The following GALNTL6 variants were observed in gnomAD, a reference collection of about 807,000 sequenced individuals.
GALNTL6 encodes the protein polypeptide N-acetylgalactosaminyltransferase-like 6.
In GALNTL6, 46 loss-of-function variants were observed where a neutral mutation model predicts 73.7. The ratio of observed to expected loss-of-function variants is 0.62; its 90% CI spans 0.49 to 0.80. The LOEUF is 0.80. Among genes scored for constraint, GALNTL6 ranks in the 30% least tolerant of loss-of-function variants. The pLI, the probability that GALNTL6 is intolerant of heterozygous loss-of-function variation, is 0.00. For missense variants in GALNTL6, 604 were observed against 755.0 expected (o/e 0.80, Z 2.34); for synonymous variants, 259 against 263.7 (o/e 0.98, Z 0.17).
At chr4:172,155,637 T>C (rs1009558469) in intron 2 of GALNTL6, among the ~76,000 whole-genome samples, 2 of 152,212 alleles carry the variant, frequency 1.3e-5, no homozygotes, top group African/African-American at 4.8e-5. Flanking sequence ...TATTAGTTAC[T>C]ATTTATGGAA....
In GALNTL6 at chr4:173,010,449, T is replaced by A. The variant is rs191228257; in HGVS notation, c.1488+1155T>A. Among the ~76,000 whole-genome samples, 758 of 152,302 alleles carry A rather than the reference T, an allele frequency of 5.0e-3. 12 individuals carry two copies. Among genetic ancestry groups the A allele is most frequent in the African/African-American group, 0.018 (732 of 41,554 alleles). On this transcript the variant is annotated intron_variant, in intron 11 of 12. Transcript: ENST00000506823. ...TTAGGTTGCCTCCAAATTTTGGCCA[T>A]TGTGAACAGTGCTGCATCAAACATG...
At chr4:172,630,254 A>G (rs1485967652) in intron 5 of GALNTL6, among the ~76,000 whole-genome samples, 2 of 152,242 alleles carry the variant, frequency 1.3e-5, no homozygotes, top group Non-Finnish European at 2.9e-5. Flanking sequence ...AGTAAAAAGT[A>G]AAACCTTGAG....
chr4:172,334,070 G>A (rs333394), intron 4 of GALNTL6, among the ~76,000 whole-genome samples: 152,174 of 152,318 alleles, frequency 1, 76,015 homozygotes, highest in Non-Finnish European at 1. Flanking sequence ...ACCAATACCA[G>A]TGCTATTTGG....
intron 5 of GALNTL6, among the ~76,000 whole-genome samples, chr4:172,549,760 A>C (rs1735890778): frequency 6.6e-6 from 1 of 152,224 alleles, no homozygotes; most frequent in African/African-American, 2.4e-5. Flanking sequence ...ATTGGGCTAA[A>C]AAACAAATAG....
At chr4:172,900,381 C>T (rs1260397447) in intron 8 of GALNTL6, among the ~76,000 whole-genome samples, 1 of 152,144 alleles carries the variant, frequency 6.6e-6, no homozygotes, top group Non-Finnish European at 1.5e-5. Context: ...AATTTTCTGA[C>T]ATCCAAATTA....
chr4:172,290,797 A>G (rs1029028613), intron 3 of GALNTL6, among the ~76,000 whole-genome samples: 68 of 151,966 alleles, frequency 4.5e-4, no homozygotes, highest in African/African-American at 1.6e-3. Context: ...AGTGGATGCT[A>G]CATAAAAAAA....
chr4:171,851,567 G>C (rs1042515428), intron 2 of GALNTL6, among the ~76,000 whole-genome samples: 1 of 152,162 alleles, frequency 6.6e-6, no homozygotes, highest in Admixed American at 6.5e-5. Flanking sequence ...AGGTTACTGT[G>C]AGTGAGCTGA....
At chr4:172,815,772 T>A (rs1741569748) in intron 7 of GALNTL6, among the ~76,000 whole-genome samples, 1 of 152,156 alleles carries the variant, frequency 6.6e-6, no homozygotes, top group African/African-American at 2.4e-5. Flanking sequence ...ACGTAGGTGG[T>A]TGTTGAACTG....
chr4:172,618,935 G>A (rs1738847893), intron 5 of GALNTL6, among the ~76,000 whole-genome samples: 1 of 152,070 alleles, frequency 6.6e-6, no homozygotes. Context: ...TGTTGGCCAG[G>A]ATGGTCTGGA....
At chr4:172,647,507 T>C (rs576834252) in intron 5 of GALNTL6, among the ~76,000 whole-genome samples, 1 of 152,164 alleles carries the variant, frequency 6.6e-6, no homozygotes, top group East Asian at 1.9e-4. Flanking sequence ...GGTGGTTTCT[T>C]CTATTCCAGG....
rs5864170 is a variant in GALNTL6 at position 172,809,912 on chromosome 4, TACAC to T, written c.739+402_739+405del. Reference sequence around the variant, plus strand: ...TCCTGTAGCTACAGCAAGATTAAAATACACACACACACACACACACACACACACA... The same window carrying T: ...TCCTGTAGCTACAGCAAGATTAAAATACACACACACACACACACACACACA... On this transcript the variant is annotated intron_variant, in intron 6 of 12. Transcript: ENST00000506823. The surrounding 1 kb of genome is among the most constrained non-coding windows in gnomAD (Gnocchi z 4.4). Among the ~76,000 whole-genome samples the T allele has an allele frequency of 0.031, 4,435 of 141,124 alleles. 94 individuals carry two copies. The highest frequency in any genetic ancestry group is 0.061 in the African/African-American group (2,333 of 38,442). The allele number at this position is 141,124 out of a possible 152,430, so 92.6% of individuals were successfully genotyped here.
At chr4:172,002,293 G>A (rs932618852) in intron 2 of GALNTL6, among the ~76,000 whole-genome samples, 1 of 152,094 alleles carries the variant, frequency 6.6e-6, no homozygotes, top group African/African-American at 2.4e-5. Flanking sequence ...CACAAGGGTG[G>A]AGCCCTTACT....
chr4:172,749,913 C>G (rs571263127), intron 5 of GALNTL6, among the ~76,000 whole-genome samples: 66 of 152,020 alleles, frequency 4.3e-4, no homozygotes, highest in African/African-American at 1.4e-3. Context: ...TGAATAAGGT[C>G]TAGCTTTTTT....
intron 2 of GALNTL6, among the ~76,000 whole-genome samples, chr4:171,953,656 G>T (rs1341430821): frequency 1.3e-5 from 2 of 152,060 alleles, no homozygotes. Flanking sequence ...AATAGAATTT[G>T]CAGCTTTACA....
intron 2 of GALNTL6, among the ~76,000 whole-genome samples, chr4:172,183,716 A>G (rs541135550): frequency 2.6e-5 from 4 of 152,266 alleles, no homozygotes; most frequent in African/African-American, 9.6e-5. Context: ...TGTTGAGAGA[A>G]AATTTTCCAT....
intron 3 of GALNTL6, among the ~76,000 whole-genome samples, chr4:172,236,326 G>A (rs1378003493): frequency 2.0e-5 from 3 of 152,062 alleles, no homozygotes; most frequent in South Asian, 4.1e-4. Flanking sequence ...TTGGAATGCC[G>A]AGGCAGGCGG....
intron 2 of GALNTL6, among the ~76,000 whole-genome samples, chr4:171,833,691 TTG>T (rs1167848448): frequency 6.6e-6 from 1 of 151,910 alleles, no homozygotes; most frequent in African/African-American, 2.4e-5. Flanking sequence ...GATTTCTGTA[TTG>T]TTAAATTAGC....
chr4:172,948,921 CT>C (rs1287065318), intron 9 of GALNTL6, among the ~76,000 whole-genome samples: 1 of 152,144 alleles, frequency 6.6e-6, no homozygotes, highest in Non-Finnish European at 1.5e-5. Flanking sequence ...ACTTCTGCCT[CT>C]TTTACTTATT....
At chr4:172,599,770 A>G (rs1310522054) in intron 5 of GALNTL6, among the ~76,000 whole-genome samples, 1 of 152,122 alleles carries the variant, frequency 6.6e-6, no homozygotes, top group Non-Finnish European at 1.5e-5. Flanking sequence ...GTTTTTTGAC[A>G]TTAAAAGTAA....
Sources: allele counts gnomAD v4.1 joint callset (sites outside exome capture counted in the v4.1 genomes callset), GRCh38; gene constraint gnomAD v4.1.1; non-coding constraint Gnocchi (gnomAD v3.1); transcripts MANE v1.5; gene names NCBI Gene and HGNC (gene_info 2026-07-23, HGNC 2026-07-21).